ASTN2: variants seen among roughly 807,000 people sequenced by gnomAD.
The protein encoded by ASTN2 is astrotactin-2.
Under a neutral mutation model 139.8 loss-of-function variants are expected in ASTN2, and 54 were observed. That is an observed-to-expected ratio of 0.39 (90% CI 0.31 to 0.48). The LOEUF is 0.48. Ranked by LOEUF, ASTN2 falls within the 20% of genes least tolerant of loss-of-function variation. The pLI, the probability that ASTN2 is intolerant of heterozygous loss-of-function variation, is 0.95. For synonymous variants in ASTN2, 756 were observed against 719.5 expected (o/e 1.05, Z -0.81); for missense variants, 1,565 against 1,725.1 (o/e 0.91, Z 1.64).
intron 17 of ASTN2, among the ~76,000 whole-genome samples, chr9:116,633,408 G>C (rs552773887): frequency 6.6e-6 from 1 of 152,288 alleles, no homozygotes; most frequent in East Asian, 1.9e-4. Context: ...AACCTGGCTG[G>C]AACTCACATA....
At chr9:116,620,174 G>A (rs1856062218) in intron 18 of ASTN2, 136 bp downstream of exon 18, 1 of 1,219,710 alleles carries the variant, frequency 8.2e-7, no homozygotes. Flanking sequence ...CCTAAAAAAG[G>A]AGGTAGATTC....
chr9:117,291,347 G>A lies in ASTN2; in HGVS notation c.609C>T (p.His203=). Residue 203 remains histidine (H), a synonymous_variant, in exon 2 of 23, where the codon CAC becomes CAT. Transcript: ENST00000313400. The part of the protein sequence containing the change: ...EPSEIVEEQM[H]ILHISVMGGL... ...TCACCATCACAGAAATGTGGAGGAT[G>A]TGCATCTGCTCCTCAACAATCTCCG... 1 of 1,614,074 alleles carries A rather than the reference G, an allele frequency of 6.2e-7. No individual in the cohort carries two copies. The highest frequency in any genetic ancestry group is 1.1e-5 in the South Asian group (1 of 91,080).
At chr9:116,488,236 T>C (rs904735136) in intron 19 of ASTN2, among the ~76,000 whole-genome samples, 6 of 152,184 alleles carry the variant, frequency 3.9e-5, no homozygotes, top group Non-Finnish European at 1.5e-5. Context: ...GGAAGTTTAC[T>C]AGAAACAGAA....
At chr9:117,041,224 T>C (rs535870807) in intron 5 of ASTN2, among the ~76,000 whole-genome samples, 25 of 152,170 alleles carry the variant, frequency 1.6e-4, no homozygotes, top group Non-Finnish European at 3.1e-4. Context: ...AAGGTTTTGC[T>C]TACCAGTTTT....
Position 116,534,114 on chromosome 9 carries a change from A to C in ASTN2, c.3356-46614T>G, listed in dbSNP as rs886492653. ...GGAGGGTGGATGTGTCCAGGAATTTATCCATTTTTTCTAGATTTTCTAGCT... is the reference window on the plus strand; with the variant it reads ...GGAGGGTGGATGTGTCCAGGAATTTCTCCATTTTTTCTAGATTTTCTAGCT... On this transcript the variant is annotated intron_variant, in intron 19 of 22. Transcript: ENST00000313400. Among the ~76,000 whole-genome samples, 4 of 152,148 alleles carry C rather than the reference A, an allele frequency of 2.6e-5. No individual in the cohort carries two copies. The South Asian group carries it at 8.3e-4, about 32-fold the overall frequency.
intron 11 of ASTN2, among the ~76,000 whole-genome samples, chr9:116,862,807 TACACACAC>T (rs751612533): frequency 1.3e-4 from 12 of 90,810 alleles, no homozygotes; most frequent in Non-Finnish European, 1.8e-4. Flanking sequence ...CACACACAAA[TACACACAC>T]ACACACACAC....
At chr9:116,709,690 G>A (rs577939692) in intron 16 of ASTN2, among the ~76,000 whole-genome samples, 208 of 152,184 alleles carry the variant, frequency 1.4e-3, no homozygotes, top group African/African-American at 4.7e-3. Context: ...ATAAGTCAAG[G>A]TCATTTCTAC....
chr9:117,164,134 C>T (rs1474643753), intron 3 of ASTN2, among the ~76,000 whole-genome samples: 1 of 152,096 alleles, frequency 6.6e-6, no homozygotes, highest in Non-Finnish European at 1.5e-5. Flanking sequence ...ACATTACATC[C>T]ACTGGGTTTT....
chr9:116,969,291 T>G (rs1010267873), intron 10 of ASTN2, among the ~76,000 whole-genome samples: 2 of 152,194 alleles, frequency 1.3e-5, no homozygotes, highest in East Asian at 3.9e-4. Flanking sequence ...CTGTGTGATC[T>G]TGGGCAAGGT....
chr9:117,140,775 A>G (rs1029143310), intron 4 of ASTN2, among the ~76,000 whole-genome samples: 1 of 152,194 alleles, frequency 6.6e-6, no homozygotes, highest in Non-Finnish European at 1.5e-5. Flanking sequence ...GTGCTGAGTT[A>G]TTCTTACAAC....
At chr9:116,528,225 T>C (rs767482818) in intron 19 of ASTN2, among the ~76,000 whole-genome samples, 1 of 152,136 alleles carries the variant, frequency 6.6e-6, no homozygotes, top group Non-Finnish European at 1.5e-5. Context: ...TGGTCTCAGA[T>C]GGAGATGAGA....
chr9:116,691,720 C>G (rs1860576959), intron 16 of ASTN2, among the ~76,000 whole-genome samples: 1 of 152,178 alleles, frequency 6.6e-6, no homozygotes, highest in South Asian at 2.1e-4. Context: ...TCCTCTCCCA[C>G]ACACAGGAGT....
intron 19 of ASTN2, among the ~76,000 whole-genome samples, chr9:116,533,299 T>C (rs1182391501): frequency 6.6e-6 from 1 of 152,198 alleles, no homozygotes; most frequent in Non-Finnish European, 1.5e-5. Flanking sequence ...AATCATGTCA[T>C]CTGCAAACAG....
At chr9:116,884,443 C>A (rs1400222184) in intron 10 of ASTN2, among the ~76,000 whole-genome samples, 1 of 152,110 alleles carries the variant, frequency 6.6e-6, no homozygotes, top group Non-Finnish European at 1.5e-5. Flanking sequence ...AGGTCTCACT[C>A]CTTGGCCTGT....
chr9:117,368,619 T>G (rs905925741), intron 1 of ASTN2, among the ~76,000 whole-genome samples: 1 of 152,202 alleles, frequency 6.6e-6, no homozygotes, highest in Non-Finnish European at 1.5e-5. Context: ...AATCTTGTAC[T>G]GAAAGGTGAA....
chr9:116,717,672 G>A (rs1828351161), intron 16 of ASTN2, among the ~76,000 whole-genome samples: 1 of 152,156 alleles, frequency 6.6e-6, no homozygotes, highest in Non-Finnish European at 1.5e-5. Context: ...ATTCAGAGGT[G>A]ACTGCCCTGG....
At chr9:116,878,570 C>T (rs1243698505) in intron 10 of ASTN2, among the ~76,000 whole-genome samples, 1 of 151,976 alleles carries the variant, frequency 6.6e-6, no homozygotes, top group Non-Finnish European at 1.5e-5. Flanking sequence ...GGAGAGACAG[C>T]ATTAGCATAA....
rs116898918 is a variant in ASTN2 at position 117,231,884 on chromosome 9, C to T, written c.631-17142G>A. Among the ~76,000 whole-genome samples, 1,486 of 152,324 alleles carry T rather than the reference C, an allele frequency of 9.8e-3. 23 individuals carry two copies. Among genetic ancestry groups the T allele is most frequent in the South Asian group, 0.045 (219 of 4,830 alleles). ...TGCTCAGAATCTTCTTCCTTGTTCT[C>T]TGTCCCGACCTAGAGGCTGCTGACT... On this transcript the variant is annotated intron_variant, in intron 2 of 22. Coordinates refer to ENST00000313400, the MANE Select transcript of ASTN2 (RefSeq NM_001365068.1).
intron 3 of ASTN2, among the ~76,000 whole-genome samples, chr9:117,166,812 T>C (rs1830680570): frequency 6.6e-6 from 1 of 152,100 alleles, no homozygotes; most frequent in Non-Finnish European, 1.5e-5. Flanking sequence ...TCCCCTAGGA[T>C]CAAATAAGAT....
Sources: gnomAD v4.1 joint callset for allele counts (sites outside exome capture counted in the v4.1 genomes callset) on GRCh38, gnomAD v4.1.1 for gene constraint, MANE v1.5 for transcripts, NCBI Gene and HGNC (gene_info 2026-07-23, HGNC 2026-07-21) for gene names.